Variants in PLEKHA7 observed in about 807,000 individuals in gnomAD.
PLEKHA7 encodes the protein pleckstrin homology domain containing A7.
PLEKHA7 carries 104 observed loss-of-function variants against 170.0 expected under a neutral mutation model. The observed-to-expected ratio is 0.61, with a 90% confidence interval of 0.52 to 0.72. The LOEUF (loss-of-function observed/expected upper bound fraction) is 0.72. Among genes scored for constraint, PLEKHA7 ranks in the 30% least tolerant of loss-of-function variants. PLEKHA7 has a pLI of 0.00. For missense variants in PLEKHA7, 1,615 were observed against 1,671.7 expected (o/e 0.97, Z 0.59); for synonymous variants, 648 against 660.8 (o/e 0.98, Z 0.30).
At chr11:16,847,304 G>A (rs1478366061) in intron 8 of PLEKHA7, among the ~76,000 whole-genome samples, 3 of 151,776 alleles carry the variant, frequency 2.0e-5, no homozygotes, top group Non-Finnish European at 4.4e-5. Context: ...GTGTTAGCCA[G>A]GATGGTCTCG....
intron 3 of PLEKHA7, among the ~76,000 whole-genome samples, chr11:17,007,344 C>CA (rs1865064521): frequency 6.6e-6 from 1 of 151,636 alleles, no homozygotes; most frequent in Admixed American, 6.6e-5. Context: ...TTTTTTGAGA[C>CA]AGAGTTTTAC....
At chr11:16,816,460 A>G (rs1218226985) in intron 11 of PLEKHA7, among the ~76,000 whole-genome samples, 196 bp from the exon 12 acceptor site, 1 of 152,248 alleles carries the variant, frequency 6.6e-6, no homozygotes, top group Non-Finnish European at 1.5e-5. Flanking sequence ...CTGGATTGTT[A>G]TAATTTAACT....
chr11:16,918,978 A>T (rs1858895044), intron 3 of PLEKHA7, among the ~76,000 whole-genome samples: 1 of 152,210 alleles, frequency 6.6e-6, no homozygotes, highest in Non-Finnish European at 1.5e-5. Context: ...TGGGAGGCCA[A>T]GGTGGGTGGA....
chr11:16,871,086 TA>T lies in PLEKHA7; in HGVS notation c.305+12del, dbSNP rs766572551. On this transcript the variant is annotated intron_variant, in intron 4 of 26. Coordinates refer to ENST00000531066, the MANE Select transcript of PLEKHA7 (RefSeq NM_001329630.2). ...ACTCTGCCCAGATAAGGAGAATACA[TA>T]AAAAGACTTACTCTTCTTGAAGAAT... 6.4e-7 allele frequency: 1 copy of T among 1,567,844 alleles called. No homozygotes were observed. The highest frequency in any genetic ancestry group is 1.7e-5 in the Admixed American group (1 of 59,864).
Position 16,801,810 on chromosome 11 carries a change from AGCTGGTCCT to A in PLEKHA7, c.2158-2_2164del. 1 of 1,614,062 alleles carries A rather than the reference AGCTGGTCCT, an allele frequency of 6.2e-7. No individual in the cohort carries two copies. Among genetic ancestry groups the A allele is most frequent in the Non-Finnish European group, 8.5e-7 (1 of 1,179,994 alleles). ...GTGCAACACCTCCAGCACAGATTCT[AGCTGGTCCT>A]GCACCACGAAGGGCCAAAAAACAGC... On this transcript the variant is annotated splice_acceptor_variant and coding_sequence_variant, in exon 16 of 27. Transcript: ENST00000531066. LOFTEE classifies it high-confidence loss of function.
chr11:16,777,686 C>G lies in PLEKHA7; in HGVS notation c.*1312G>C, dbSNP rs573630530. On this transcript the variant is annotated 3_prime_UTR_variant, in exon 27 of 27. Transcript: ENST00000531066. ...ACAAACACTGCACCTGGCTTGGTAGCCCCCCTCCTCATGTGGGGCTGGAAG... is the reference window on the plus strand; with the variant it reads ...ACAAACACTGCACCTGGCTTGGTAGGCCCCCTCCTCATGTGGGGCTGGAAG... 3.3e-5 allele frequency: 5 copies of G among 152,216 alleles called. No individual in the cohort carries two copies. The highest frequency in any genetic ancestry group is 3.2e-3 in the Middle Eastern group (1 of 316). 9.4% of individuals were successfully genotyped at this position (152,216 alleles called of 1,614,324 possible).
chr11:16,896,454 A>G (rs1856999913), intron 3 of PLEKHA7, among the ~76,000 whole-genome samples: 2 of 152,060 alleles, frequency 1.3e-5, no homozygotes, highest in Non-Finnish European at 2.9e-5. Context: ...GCTGGAAGGC[A>G]TCCTACCTTT....
At chr11:16,779,769 C>A (rs1848886161) in intron 26 of PLEKHA7, among the ~76,000 whole-genome samples, 1 of 152,234 alleles carries the variant, frequency 6.6e-6, no homozygotes, top group African/African-American at 2.4e-5. Context: ...TCGCTCCCTG[C>A]AGCACAAATA....
At chr11:16,827,480 T>C (rs950567289) in intron 9 of PLEKHA7, among the ~76,000 whole-genome samples, 4 of 152,174 alleles carry the variant, frequency 2.6e-5, no homozygotes, top group African/African-American at 9.7e-5. Flanking sequence ...CTACTGCCTC[T>C]CCACATGTGT....
intron 3 of PLEKHA7, among the ~76,000 whole-genome samples, chr11:16,922,002 C>T (rs994735020): frequency 6.6e-6 from 1 of 152,182 alleles, no homozygotes; most frequent in African/African-American, 2.4e-5. Flanking sequence ...GTGACCTTTC[C>T]AGTTCAGCTA....
chr11:16,915,558 T>C lies in PLEKHA7; in HGVS notation c.222-44376A>G, dbSNP rs368949622. ...CCCCAGAGTGTGATGTTCCCCTTCC[T>C]GTGTCCATGTGCTCTCATTGTTCAA... On this transcript the variant is annotated intron_variant, in intron 3 of 26. Coordinates refer to ENST00000531066, the MANE Select transcript of PLEKHA7 (RefSeq NM_001329630.2). 1.5e-4 allele frequency among the ~76,000 whole-genome samples: 20 copies of C among 131,966 alleles called. No individual in the cohort carries two copies. The East Asian group carries it at 3.2e-3, about 21-fold the overall frequency. 86.6% of individuals were successfully genotyped at this position (131,966 alleles called of 152,430 possible).
chr11:17,009,065 C>A (rs1865175418), intron 3 of PLEKHA7, among the ~76,000 whole-genome samples: 1 of 152,154 alleles, frequency 6.6e-6, no homozygotes, highest in Non-Finnish European at 1.5e-5. Flanking sequence ...GGAGTCTGGC[C>A]CCATAAGCCT....
chr11:16,837,201 T>C (rs759428782), intron 9 of PLEKHA7, among the ~76,000 whole-genome samples: 6 of 152,074 alleles, frequency 3.9e-5, no homozygotes, highest in Non-Finnish European at 7.4e-5. Context: ...AAGAGCATAA[T>C]AAGAATACAT....
At chr11:16,830,493 C>T (rs1011363026) in intron 9 of PLEKHA7, among the ~76,000 whole-genome samples, 2 of 152,174 alleles carry the variant, frequency 1.3e-5, no homozygotes, top group Non-Finnish European at 2.9e-5. Flanking sequence ...ATTGTATCTC[C>T]TTGTTATTCA....
At chr11:16,969,509 C>T (rs1197032603) in intron 3 of PLEKHA7, among the ~76,000 whole-genome samples, 2 of 152,084 alleles carry the variant, frequency 1.3e-5, no homozygotes, top group South Asian at 4.2e-4. Context: ...GGCCAGTCAC[C>T]AATTCTACAT....
intron 3 of PLEKHA7, among the ~76,000 whole-genome samples, chr11:17,006,645 A>AGAT (rs1865016257): frequency 6.6e-6 from 1 of 151,504 alleles, no homozygotes; most frequent in South Asian, 2.1e-4. Context: ...AAAAAAAGGA[A>AGAT]GATGATATAT....
intron 12 of PLEKHA7, 82 bp from the exon 13 acceptor site, chr11:16,813,248 T>C (rs1849507852): frequency 1.6e-6 from 2 of 1,233,232 alleles, no homozygotes; most frequent in Non-Finnish European, 1.2e-6. Flanking sequence ...GTGAATTATT[T>C]ACATCGTGCA....
At chr11:16,987,638 A>G (rs571635654) in intron 3 of PLEKHA7, among the ~76,000 whole-genome samples, 120 of 151,954 alleles carry the variant, frequency 7.9e-4, no homozygotes, top group African/African-American at 2.8e-3. Context: ...TCCTTACCCC[A>G]CCCCTTTAAA....
chr11:16,967,455 G>A (rs1294824019), intron 3 of PLEKHA7, among the ~76,000 whole-genome samples: 1 of 152,178 alleles, frequency 6.6e-6, no homozygotes, highest in Non-Finnish European at 1.5e-5. Flanking sequence ...GGAGCTCTAG[G>A]CGATGCTGGT....
Sources: allele counts gnomAD v4.1 joint callset (sites outside exome capture counted in the v4.1 genomes callset), GRCh38; gene constraint gnomAD v4.1.1; transcripts MANE v1.5; gene names NCBI Gene and HGNC (gene_info 2026-07-23, HGNC 2026-07-21).